CDH8: variants seen among roughly 807,000 people sequenced by gnomAD.
The protein encoded by CDH8 is cadherin-8.
In CDH8, 17 loss-of-function variants were observed where a neutral mutation model predicts 68.1. The ratio of observed to expected loss-of-function variants is 0.25; its 90% CI spans 0.17 to 0.37. CDH8 has a LOEUF of 0.37. CDH8 is among the 10% of genes least tolerant of loss of function. The pLI is 1.00. For synonymous variants in CDH8, 372 were observed against 365.1 expected (o/e 1.02, Z -0.21); for missense variants, 763 against 999.3 (o/e 0.76, Z 3.19).
At chr16:61,717,923 T>G (rs1397308057) in intron 9 of CDH8, among the ~76,000 whole-genome samples, 1 of 151,462 alleles carries the variant, frequency 6.6e-6, no homozygotes, top group Non-Finnish European at 1.5e-5. Context: ...CTGTGATATA[T>G]CTAATGTATT....
At chr16:61,879,297 G>A (rs1963524745) in intron 3 of CDH8, among the ~76,000 whole-genome samples, 3 of 152,202 alleles carry the variant, frequency 2.0e-5, no homozygotes, top group Admixed American at 2.0e-4. Context: ...AAAAACAAAT[G>A]AGAAAGGCCA....
chr16:61,667,712 G>A (rs1963706540), intron 10 of CDH8: 1 of 151,860 alleles, frequency 6.6e-6, no homozygotes, highest in Non-Finnish European at 1.5e-5. Flanking sequence ...TCCAGTTTGG[G>A]ATTATTTGTT....
intron 8 of CDH8, among the ~76,000 whole-genome samples, chr16:61,764,133 C>T (rs137990550): frequency 6.6e-6 from 1 of 152,098 alleles, no homozygotes; most frequent in Non-Finnish European, 1.5e-5. Context: ...ACATGACATT[C>T]CTATGATATT....
At chr16:61,753,472 T>C (rs1960225671) in intron 8 of CDH8, among the ~76,000 whole-genome samples, 1 of 152,134 alleles carries the variant, frequency 6.6e-6, no homozygotes, top group African/African-American at 2.4e-5. Flanking sequence ...ACTCTTGGCC[T>C]TAAGTGATTT....
chr16:61,876,217 G>A (rs982895640), intron 3 of CDH8, among the ~76,000 whole-genome samples: 1 of 152,084 alleles, frequency 6.6e-6, no homozygotes, highest in African/African-American at 2.4e-5. Context: ...AATGTAGAAT[G>A]CAATATAGTC....
chr16:61,974,817 C>T (rs1170177883), intron 2 of CDH8, among the ~76,000 whole-genome samples: 1 of 152,148 alleles, frequency 6.6e-6, no homozygotes, highest in Non-Finnish European at 1.5e-5. Context: ...ATTCCATCTA[C>T]TTGGGCAGAT....
intron 7 of CDH8, among the ~76,000 whole-genome samples, chr16:61,796,897 T>C (rs1961513637): frequency 6.6e-6 from 1 of 152,056 alleles, no homozygotes; most frequent in African/African-American, 2.4e-5. Flanking sequence ...GAAAATACAC[T>C]GGTGTAGTGG....
chr16:61,984,622 C>A (rs1965596103), intron 2 of CDH8, among the ~76,000 whole-genome samples: 1 of 152,054 alleles, frequency 6.6e-6, no homozygotes, highest in African/African-American at 2.4e-5. Flanking sequence ...CTATACATAG[C>A]AAATGCTTTC....
At chr16:61,654,487 C>T (rs1004915630) in intron 11 of CDH8, among the ~76,000 whole-genome samples, 1 of 149,372 alleles carries the variant, frequency 6.7e-6, no homozygotes, top group Non-Finnish European at 1.5e-5. Flanking sequence ...TTCCAAAGCT[C>T]CCTTCTATTA....
At chr16:61,999,450 C>T (rs1197823547) in intron 2 of CDH8, among the ~76,000 whole-genome samples, 1 of 152,064 alleles carries the variant, frequency 6.6e-6, no homozygotes, top group Non-Finnish European at 1.5e-5. Flanking sequence ...ACACAGAGAG[C>T]ACGAAGAATG....
intron 3 of CDH8, among the ~76,000 whole-genome samples, chr16:61,896,336 G>A (rs1208826660): frequency 6.6e-6 from 1 of 152,192 alleles, no homozygotes; most frequent in Admixed American, 6.5e-5. Context: ...CCTGTCAACT[G>A]GAAGACAGTT....
intron 2 of CDH8, among the ~76,000 whole-genome samples, chr16:61,970,817 G>A (rs888264286): frequency 2.6e-5 from 4 of 152,190 alleles, no homozygotes; most frequent in African/African-American, 7.2e-5. Flanking sequence ...CCAAGCCATC[G>A]CATCCCCTAT....
chr16:61,757,252 A>C (rs1960344361), intron 8 of CDH8, among the ~76,000 whole-genome samples: 2 of 152,200 alleles, frequency 1.3e-5, no homozygotes, highest in South Asian at 4.1e-4. Flanking sequence ...AAAACAAAGC[A>C]ATAAGTAAAT....
At chr16:61,899,936 T>C (rs1401129535) in intron 3 of CDH8, among the ~76,000 whole-genome samples, 1 of 151,952 alleles carries the variant, frequency 6.6e-6, no homozygotes, top group Non-Finnish European at 1.5e-5. Context: ...TTCTGTACTA[T>C]ACCTGACAAT....
chr16:61,737,373 T>C (rs1959726814), intron 8 of CDH8, among the ~76,000 whole-genome samples: 1 of 152,110 alleles, frequency 6.6e-6, no homozygotes, highest in South Asian at 2.1e-4. Flanking sequence ...GAATGCAGAA[T>C]AAGAGAATTT....
At chr16:61,834,092 G>A (rs1246887822) in intron 4 of CDH8, among the ~76,000 whole-genome samples, 2 of 151,920 alleles carry the variant, frequency 1.3e-5, no homozygotes, top group African/African-American at 4.8e-5. Context: ...GAAGATAGGA[G>A]AGAATGAAGA....
chr16:61,847,289 A>T (rs117329597), intron 4 of CDH8, among the ~76,000 whole-genome samples: 3,939 of 152,072 alleles, frequency 0.026, 76 homozygotes, highest in Admixed American at 0.067. Context: ...AACTCTTTTT[A>T]AAAAACACAA....
intron 4 of CDH8, among the ~76,000 whole-genome samples, chr16:61,832,375 G>GATAC (rs370740467): frequency 0.014 from 2,002 of 147,258 alleles, 16 homozygotes; most frequent in African/African-American, 0.026. Context: ...TAGATAGATA[G>GATAC]ATAGATACAT....
At chr16:61,869,025 G>A (rs547148304) in intron 3 of CDH8, among the ~76,000 whole-genome samples, 13 of 152,202 alleles carry the variant, frequency 8.5e-5, no homozygotes, top group African/African-American at 2.2e-4. Context: ...TGAATCTGAC[G>A]CAGACCATAT....
Sources: gnomAD v4.1 joint callset for allele counts (sites outside exome capture counted in the v4.1 genomes callset) on GRCh38, gnomAD v4.1.1 for gene constraint, MANE v1.5 for transcripts, NCBI Gene and HGNC (gene_info 2026-07-23, HGNC 2026-07-21) for gene names.